PLSCR2: variants seen among roughly 807,000 people sequenced by gnomAD.
PLSCR2 encodes the protein phospholipid scramblase 2.
PLSCR2 carries 18 observed loss-of-function variants against 25.3 expected under a neutral mutation model. That is an observed-to-expected ratio of 0.71 (90% CI 0.49 to 1.06). PLSCR2 has a LOEUF of 1.06. Ranked by LOEUF, PLSCR2 falls within the 50% of genes least tolerant of loss-of-function variation. The pLI is 0.00. For synonymous variants in PLSCR2, 88 were observed against 87.3 expected (o/e 1.01, Z -0.04); for missense variants, 243 against 269.5 (o/e 0.90, Z 0.69).
chr3:146,478,307 G>C (rs1450057303), intron 1 of PLSCR2, among the ~76,000 whole-genome samples: 2 of 152,140 alleles, frequency 1.3e-5, no homozygotes, highest in Admixed American at 1.3e-4. Context: ...AAAGGAGCAT[G>C]TTCTAACCCA....
chr3:146,450,917 G>A (rs957292548), intron 5 of PLSCR2, among the ~76,000 whole-genome samples: 2 of 151,396 alleles, frequency 1.3e-5, no homozygotes, highest in Non-Finnish European at 2.9e-5. Context: ...TATAAATAAT[G>A]ACATGCATAT....
chr3:146,483,572 G>T (rs1290964314), intron 1 of PLSCR2, among the ~76,000 whole-genome samples: 1 of 146,006 alleles, frequency 6.8e-6, no homozygotes, highest in Non-Finnish European at 1.5e-5. Context: ...GAAGGAGCAG[G>T]CACCCATCTT....
chr3:146,442,007 A>G (rs892744972), intron 6 of PLSCR2, among the ~76,000 whole-genome samples, 186 bp from the exon 7 acceptor site: 2 of 152,088 alleles, frequency 1.3e-5, no homozygotes, highest in African/African-American at 2.4e-5. Context: ...ATTTTAATAG[A>G]AATTAAATCC....
upstream of PLSCR2, among the ~76,000 whole-genome samples, chr3:146,463,106 T>C (rs369487921): frequency 6.6e-6 from 1 of 152,230 alleles, no homozygotes; most frequent in Non-Finnish European, 1.5e-5. Flanking sequence ...TATTTATTTA[T>C]TTTTTACCAG....
chr3:146,408,031 T>C (rs1407901164), intron 2 of PLSCR2, among the ~76,000 whole-genome samples: 1 of 152,194 alleles, frequency 6.6e-6, no homozygotes, highest in Non-Finnish European at 1.5e-5. Flanking sequence ...ACTCTGATAC[T>C]GCCAGGATGC....
At chr3:146,473,842 A>C (rs1160369214) in intron 1 of PLSCR2, among the ~76,000 whole-genome samples, 1 of 152,200 alleles carries the variant, frequency 6.6e-6, no homozygotes, top group Admixed American at 6.5e-5. Context: ...ATAAATTCCC[A>C]TGTGACGCTC....
chr3:146,438,767 C>T (rs1390669322), downstream of PLSCR2, among the ~76,000 whole-genome samples: 3 of 152,098 alleles, frequency 2.0e-5, no homozygotes, highest in Non-Finnish European at 2.9e-5. Flanking sequence ...GCATTTAGCC[C>T]ATTTACATTT....
Position 146,471,659 on chromosome 3 carries a change from C to T in PLSCR2, c.-292-11375G>A, listed in dbSNP as rs1046999511. On this transcript the variant is annotated intron_variant, in intron 1 of 8. Transcript: ENST00000336685. ...TCAGCTCACTGCACACTCCACCCTC[C>T]GGGTTAAAGAAATTCTCTTGCCTCA... Among the ~76,000 whole-genome samples, 8 of 151,938 alleles carry T rather than the reference C, an allele frequency of 5.3e-5. 1 individual carries two copies. The highest frequency in any genetic ancestry group is 2.6e-4 in the Admixed American group (4 of 15,248).
chr3:146,475,210 G>A (rs2042243615), intron 1 of PLSCR2, among the ~76,000 whole-genome samples: 1 of 152,000 alleles, frequency 6.6e-6, no homozygotes, highest in Non-Finnish European at 1.5e-5. Context: ...CATTTGGGGG[G>A]AGAAGAGGCA....
chr3:146,488,056 A>G (rs1438226646), intron 1 of PLSCR2, among the ~76,000 whole-genome samples: 1 of 152,166 alleles, frequency 6.6e-6, no homozygotes, highest in South Asian at 2.1e-4. Context: ...CAAACCTGAC[A>G]AAAACAAGAA....
At chr3:146,485,396 C>T (rs555066150) in intron 1 of PLSCR2, among the ~76,000 whole-genome samples, 1 of 152,138 alleles carries the variant, frequency 6.6e-6, no homozygotes, top group Non-Finnish European at 1.5e-5. Context: ...ATCATCAAAA[C>T]ATAAAATTAA....
At chr3:146,474,347 A>G (rs2042216519) in intron 1 of PLSCR2, among the ~76,000 whole-genome samples, 3 of 152,338 alleles carry the variant, frequency 2.0e-5, no homozygotes, top group African/African-American at 7.2e-5. Flanking sequence ...AAGGTATAAC[A>G]CAGCTTTATG....
At chr3:146,430,328 G>C (rs1326542121), downstream of PLSCR2, among the ~76,000 whole-genome samples, 1 of 152,134 alleles carries the variant, frequency 6.6e-6, no homozygotes, top group East Asian at 1.9e-4. Flanking sequence ...TTAAGGCACA[G>C]GGAGAAACAC....
At chr3:146,475,260 T>C (rs1196113562) in intron 1 of PLSCR2, among the ~76,000 whole-genome samples, 1 of 152,054 alleles carries the variant, frequency 6.6e-6, no homozygotes, top group African/African-American at 2.4e-5. Context: ...TCACTGATTC[T>C]TTCTCATCTT....
At chr3:146,429,311 A>T (rs1010758095), downstream of PLSCR2, among the ~76,000 whole-genome samples, 3 of 152,204 alleles carry the variant, frequency 2.0e-5, no homozygotes, top group African/African-American at 4.8e-5. Context: ...CTCTTTAGGG[A>T]CTTGCTCAGT....
intron 2 of PLSCR2, among the ~76,000 whole-genome samples, chr3:146,423,733 A>G (rs1322989652): frequency 6.6e-6 from 1 of 152,114 alleles, no homozygotes; most frequent in African/African-American, 2.4e-5. Flanking sequence ...AGGAAAGCAG[A>G]AGAATTGAAG....
chr3:146,482,814 T>C (rs941586530), intron 1 of PLSCR2, among the ~76,000 whole-genome samples: 1 of 152,096 alleles, frequency 6.6e-6, no homozygotes, highest in Non-Finnish European at 1.5e-5. Flanking sequence ...AGCAAAGACT[T>C]GGAACCAACC....
At chr3:146,462,593 G>A (rs925162075), upstream of PLSCR2, among the ~76,000 whole-genome samples, 6 of 151,556 alleles carry the variant, frequency 4.0e-5, no homozygotes, top group African/African-American at 1.5e-4. Context: ...AGCCTCCCGA[G>A]TAGCTGGGAT....
intron 1 of PLSCR2, among the ~76,000 whole-genome samples, chr3:146,479,369 T>C (rs1413405851): frequency 1.3e-5 from 2 of 152,094 alleles, no homozygotes; most frequent in Non-Finnish European, 2.9e-5. Flanking sequence ...GAGACACACA[T>C]AGGCTCAAAA....
Sources: allele counts gnomAD v4.1 joint callset (sites outside exome capture counted in the v4.1 genomes callset), GRCh38; gene constraint gnomAD v4.1.1; transcripts MANE v1.5; gene names NCBI Gene and HGNC (gene_info 2026-07-23, HGNC 2026-07-21).